The following MLLT3 variants were observed in gnomAD, a reference collection of about 807,000 sequenced individuals.
MLLT3 encodes the protein MLLT3 super elongation complex subunit.
Under a neutral mutation model 53.2 loss-of-function variants are expected in MLLT3, and 4 were observed. The observed-to-expected ratio is 0.08, with a 90% CI of 0.04 to 0.17. The LOEUF (loss-of-function observed/expected upper bound fraction) is 0.17. Among genes scored for constraint, MLLT3 ranks in the 10% least tolerant of loss-of-function variants. The probability of loss-of-function intolerance (pLI) is 1.00; values close to 1 mark genes in which losing one functional copy is unlikely to be tolerated. For missense variants in MLLT3, 569 were observed against 684.0 expected (o/e 0.83, Z 1.87); for synonymous variants, 283 against 230.6 (o/e 1.23, Z -2.06).
At chr9:20,517,931 G>C (rs772248399) in intron 2 of MLLT3, among the ~76,000 whole-genome samples, 1 of 152,058 alleles carries the variant, frequency 6.6e-6, no homozygotes, top group Non-Finnish European at 1.5e-5. Flanking sequence ...AGGCATAGAA[G>C]GCAACTCACA....
chr9:20,601,043 C>A (rs768671727), intron 2 of MLLT3, among the ~76,000 whole-genome samples: 6 of 152,208 alleles, frequency 3.9e-5, no homozygotes, highest in Admixed American at 6.5e-5. Flanking sequence ...TGCTTTTTCT[C>A]TGCACCGTTG....
At chr9:20,419,824 A>G (rs1822962354) in intron 4 of MLLT3, among the ~76,000 whole-genome samples, 1 of 152,228 alleles carries the variant, frequency 6.6e-6, no homozygotes, top group Non-Finnish European at 1.5e-5. Flanking sequence ...TAACTGAACC[A>G]GAAACGTTTT....
intron 5 of MLLT3, among the ~76,000 whole-genome samples, chr9:20,409,224 T>C (rs1229097162): frequency 6.6e-6 from 1 of 152,200 alleles, no homozygotes; most frequent in Admixed American, 6.5e-5. Context: ...ATAAGAAAAC[T>C]ACCACCATAA....
chr9:20,506,137 C>A (rs1450076952), intron 2 of MLLT3, among the ~76,000 whole-genome samples: 1 of 152,022 alleles, frequency 6.6e-6, no homozygotes, highest in Non-Finnish European at 1.5e-5. Context: ...TCACTGCAAC[C>A]TCTGCCTCCC....
Position 20,484,660 on chromosome 9 carries a change from G to A in MLLT3, c.194-27874C>T, listed in dbSNP as rs140096753. 1.1e-3 allele frequency among the ~76,000 whole-genome samples: 169 copies of A among 151,970 alleles called. 1 individual carries two copies. The South Asian group carries it at 0.011, about 10-fold the overall frequency. On this transcript the variant is annotated intron_variant, in intron 2 of 10. Transcript: ENST00000380338. ...AGCCCAAAATTACCAATTTCTCCCC[G>A]GAATCCATGAAATTTGCTTCTTTGT... is the stretch of plus-strand genomic sequence containing the variant.
intron 5 of MLLT3, among the ~76,000 whole-genome samples, chr9:20,409,300 T>C (rs1034326277): frequency 6.6e-6 from 1 of 152,184 alleles, no homozygotes; most frequent in African/African-American, 2.4e-5. Flanking sequence ...CTGCTGTGAA[T>C]ACCAAACTTC....
chr9:20,526,871 C>T (rs1338232973), intron 2 of MLLT3, among the ~76,000 whole-genome samples: 1 of 152,130 alleles, frequency 6.6e-6, no homozygotes, highest in Non-Finnish European at 1.5e-5. Context: ...GTTTAATTTG[C>T]ATTTCCCTAA....
rs762890034 is a variant in MLLT3, at chr9:20,414,212, T to C, written c.634A>G (p.Arg212Gly). ...TCTTTGAAGGCACTTTTATGTTCTC[T>C]GGAGTCTTTAGAAGGTTTTTCCTTG... ...EHKEKPSKDS[R>G]EHKSAFKEPS... is the part of the protein sequence containing the mutation. Residue 212 changes from arginine (R) to glycine (G), a missense_variant, in exon 5 of 11, where the codon AGA becomes GGA. This residue lies in a region of MLLT3 where 437 missense variants were observed against 376.5 expected (regional missense o/e 1.16). Coordinates refer to ENST00000380338, the MANE Select transcript of MLLT3 (RefSeq NM_004529.4). 10 of 1,614,222 alleles carry C rather than the reference T, an allele frequency of 6.2e-6. No individual in the cohort carries two copies. Among genetic ancestry groups the C allele is most frequent in the Non-Finnish European group, 8.5e-6 (10 of 1,180,036 alleles).
intron 5 of MLLT3, among the ~76,000 whole-genome samples, chr9:20,395,195 C>T (rs866145258): frequency 6.6e-6 from 1 of 152,310 alleles, no homozygotes; most frequent in East Asian, 1.9e-4. Context: ...ACAAACCTGA[C>T]ATCTGCTTAA....
intron 2 of MLLT3, among the ~76,000 whole-genome samples, chr9:20,600,948 A>T (rs1820405864): frequency 6.6e-6 from 1 of 152,214 alleles, no homozygotes; most frequent in Admixed American, 6.5e-5. Context: ...AATGGCTTTA[A>T]ATTGTGACAA....
chr9:20,456,218 T>G (rs547402416), intron 3 of MLLT3, among the ~76,000 whole-genome samples: 33 of 152,170 alleles, frequency 2.2e-4, no homozygotes, highest in Middle Eastern at 3.4e-3. Flanking sequence ...GGATTACAGG[T>G]GTGAGCCACC....
chr9:20,482,613 T>G (rs1475179414), intron 2 of MLLT3, among the ~76,000 whole-genome samples: 1 of 152,220 alleles, frequency 6.6e-6, no homozygotes, highest in African/African-American at 2.4e-5. Context: ...TACTAGGATT[T>G]CCTACCTAAT....
chr9:20,427,308 G>GAA (rs1055394335), intron 4 of MLLT3, among the ~76,000 whole-genome samples: 2 of 129,316 alleles, frequency 1.5e-5, no homozygotes, highest in African/African-American at 5.7e-5. Flanking sequence ...TTTAAGAAAT[G>GAA]AAAAAAAAAA....
Position 20,448,099 on chromosome 9 carries a change from T to G in MLLT3, c.420+24A>C, listed in dbSNP as rs776343427. 3.1e-5 allele frequency: 49 copies of G among 1,588,638 alleles called. No individual in the cohort carries two copies. Among genetic ancestry groups the G allele is most frequent in the Non-Finnish European group, 3.9e-5 (46 of 1,171,156 alleles). ...TGTTGTTGTTTTTTAATAGGAATGC[T>G]TTTCACAAGAGAGTGCCACTTACCC... is the stretch of plus-strand genomic sequence containing the variant. On this transcript the variant is annotated intron_variant, in intron 4 of 10. Coordinates refer to ENST00000380338, the MANE Select transcript of MLLT3 (RefSeq NM_004529.4). The surrounding 1 kb of genome is among the most constrained non-coding windows in gnomAD (Gnocchi z 4.0).
chr9:20,481,256 A>T (rs1165529136), intron 2 of MLLT3, among the ~76,000 whole-genome samples: 1 of 152,222 alleles, frequency 6.6e-6, no homozygotes, highest in Non-Finnish European at 1.5e-5. Context: ...ACATGCAGAC[A>T]GCTAAGAGTT....
At chr9:20,619,344 A>G (rs1820927755) in intron 2 of MLLT3, among the ~76,000 whole-genome samples, 1 of 152,202 alleles carries the variant, frequency 6.6e-6, no homozygotes, top group Non-Finnish European at 1.5e-5. Flanking sequence ...CCAAACCACT[A>G]AAGGCAAAAA....
At chr9:20,489,090 TAACAAAGTGAAC>T (rs1342228990) in intron 2 of MLLT3, among the ~76,000 whole-genome samples, 5 of 152,140 alleles carry the variant, frequency 3.3e-5, no homozygotes, top group African/African-American at 1.2e-4. Context: ...CAAAGAGAAG[TAACAAAGTGAAC>T]ACTATTCCAC....
intron 7 of MLLT3, among the ~76,000 whole-genome samples, chr9:20,361,259 A>T (rs912594929): frequency 3.3e-5 from 5 of 152,246 alleles, no homozygotes; most frequent in African/African-American, 1.2e-4. Context: ...TCAAGCTTAC[A>T]GAAGGTCAGC....
chr9:20,553,598 T>C (rs1224892167), intron 2 of MLLT3, among the ~76,000 whole-genome samples: 2 of 152,204 alleles, frequency 1.3e-5, no homozygotes, highest in African/African-American at 4.8e-5. Context: ...TTATCTTGCC[T>C]TTCTACTGAA....
Sources: gnomAD v4.1 joint callset for allele counts (sites outside exome capture counted in the v4.1 genomes callset) on GRCh38, gnomAD v4.1.1 for gene constraint, gnomAD v4.1.1 regional missense constraint, Gnocchi (gnomAD v3.1) non-coding constraint, MANE v1.5 for transcripts, NCBI Gene and HGNC (gene_info 2026-07-23, HGNC 2026-07-21) for gene names.